JMJD6: variants seen among roughly 807,000 people sequenced by gnomAD.
JMJD6 encodes the protein bifunctional arginine demethylase and lysyl-hydroxylase JMJD6.
Under a neutral mutation model 45.8 loss-of-function variants are expected in JMJD6, and 17 were observed. That is an observed-to-expected ratio of 0.37 (90% CI 0.25 to 0.56). The LOEUF is 0.56. JMJD6 is among the 20% of genes least tolerant of loss of function. The probability of loss-of-function intolerance (pLI) is 0.79; values close to 1 mark genes in which losing one functional copy is unlikely to be tolerated. For synonymous variants in JMJD6, 221 were observed against 196.3 expected (o/e 1.13, Z -1.05); for missense variants, 470 against 517.5 (o/e 0.91, Z 0.89).
chr17:76,722,025 A>G (rs527266881), intron 3 of JMJD6, 92 bp from the exon 4 acceptor site: 15 of 1,362,758 alleles, frequency 1.1e-5, no homozygotes, highest in Admixed American at 6.2e-5. Flanking sequence ...ACTCCTACCC[A>G]TAAGGGAGAG....
chr17:76,719,920 G>C (rs547211996), intron 5 of JMJD6, among the ~76,000 whole-genome samples: 1 of 152,122 alleles, frequency 6.6e-6, no homozygotes, highest in South Asian at 2.1e-4. Flanking sequence ...TCAGGAGTTC[G>C]AGACCAGCCT....
In JMJD6 at chr17:76,726,415, T is replaced by A; in HGVS notation, c.61A>T (p.Lys21Ter). ...EAKRSARPELKDSLDWTRHNY... is the reference protein window; with the variant it reads ...EAKRSARPEL ...TGCCGGGTCCAATCCAGCGAGTCCT[T>A]GAGCTCCGGCCGCGCACTCCGCTTG... Residue 21 changes from lysine (K) to a stop codon, truncating the protein, a stop_gained, in exon 1 of 6, where the codon AAG (lysine) becomes TAG (stop). Transcript: ENST00000397625. LOFTEE classifies it high-confidence loss of function. 6.2e-7 allele frequency: 1 copy of A among 1,604,962 alleles called. No homozygotes were observed. The highest frequency in any genetic ancestry group is 8.5e-7 in the Non-Finnish European group (1 of 1,176,532).
exon 7 of JMJD6, chr17:76,712,998 ACGAG>A (rs2076740619): frequency 1.3e-5 from 2 of 152,382 alleles, no homozygotes; most frequent in African/African-American, 4.8e-5. Context: ...TCCAGGAGGC[ACGAG>A]TGTGCAGAAG....
intron 4 of JMJD6, 179 bp from the exon 5 acceptor site, chr17:76,720,677 A>G (rs12943725): frequency 0.83 from 473,233 of 571,626 alleles, 201,130 homozygotes; most frequent in Non-Finnish European, 0.88. Flanking sequence ...GAGAAACCCA[A>G]TACGGTGCCC....
chr17:76,722,190 G>C (rs755470430), intron 3 of JMJD6, among the ~76,000 whole-genome samples: 3 of 152,198 alleles, frequency 2.0e-5, no homozygotes, highest in Admixed American at 1.3e-4. Context: ...TTGAGCAGTT[G>C]TGACAGTCTG....
intron 5 of JMJD6, among the ~76,000 whole-genome samples, chr17:76,719,893 G>A (rs1233200643): frequency 2.0e-5 from 3 of 152,108 alleles, no homozygotes; most frequent in African/African-American, 7.2e-5. Context: ...AGGCTGAGGC[G>A]GGTGGATCAC....
intron 5 of JMJD6, among the ~76,000 whole-genome samples, chr17:76,720,012 G>A (rs1598375635): frequency 6.6e-6 from 1 of 152,128 alleles, no homozygotes; most frequent in Non-Finnish European, 1.5e-5. Flanking sequence ...GGGTGTGGTG[G>A]CATGCGCCTG....
intron 4 of JMJD6, 175 bp from the exon 5 acceptor site, chr17:76,720,673 C>T: frequency 1.7e-6 from 1 of 584,488 alleles, no homozygotes; most frequent in Non-Finnish European, 3.0e-6. Context: ...ACAAGAGAAA[C>T]CCAATACGGT....
At chr17:76,722,877 A>AC (rs2076843933) in intron 3 of JMJD6, among the ~76,000 whole-genome samples, 1 of 149,414 alleles carries the variant, frequency 6.7e-6, no homozygotes, top group Non-Finnish European at 1.5e-5. Flanking sequence ...AAAGAATTAA[A>AC]CCCCAATTTA....
chr17:76,722,068 T>A, intron 3 of JMJD6, 135 bp from the exon 4 acceptor site: 1 of 929,666 alleles, frequency 1.1e-6, no homozygotes, highest in Non-Finnish European at 1.6e-6. Flanking sequence ...TAGTTCCTTC[T>A]GATCCAGGGA....
Position 76,718,454 on chromosome 17 carries a change from A to G in JMJD6, c.*275T>C. On this transcript the variant is annotated 3_prime_UTR_variant, in exon 6 of 6. Transcript: ENST00000397625. ...TCAAAGGAAAACATTTCCAAGATAG[A>G]AAATGGATTCAATTTTTATTAAATA... is the stretch of plus-strand genomic sequence containing the variant. 1 of 1,320,948 alleles carries G rather than the reference A, an allele frequency of 7.6e-7. No homozygotes were observed. The highest frequency in any genetic ancestry group is 9.6e-7 in the Non-Finnish European group (1 of 1,039,912). 81.8% of individuals were successfully genotyped at this position (1,320,948 alleles called of 1,614,324 possible).
At chr17:76,721,994 C>A in intron 3 of JMJD6, 61 bp from the exon 4 acceptor site, 1 of 1,566,684 alleles carries the variant, frequency 6.4e-7, no homozygotes, top group Non-Finnish European at 8.7e-7. Context: ...TACTGTATAA[C>A]ACACACACCA....
At chr17:76,719,616 G>A (rs898710682) in intron 5 of JMJD6, among the ~76,000 whole-genome samples, 3 of 152,208 alleles carry the variant, frequency 2.0e-5, no homozygotes, top group Non-Finnish European at 4.4e-5. Flanking sequence ...TGTTAAAGGT[G>A]CAGGGCCCTC....
At position 76,725,743 on chromosome 17, in the gene JMJD6, G is replaced by A. The variant is rs757992820; in HGVS notation, c.242C>T (p.Ala81Val). 1 of 1,614,008 alleles carries A rather than the reference G, an allele frequency of 6.2e-7. No homozygotes were observed. The highest frequency in any genetic ancestry group is 8.5e-7 in the Non-Finnish European group (1 of 1,180,028). Residue 81 changes from alanine (A) to valine (V), a missense_variant, in exon 2 of 6, where the codon GCG (alanine) becomes GTG (valine). Transcript: ENST00000397625. ...VLLNAQEGWS[A>V]QEKWTLERLK... ...GCGCTCCAGAGTCCATTTCTCCTGC[G>A]CAGACCAGCCCTCTTGCGCATTCAA...
chr17:76,722,072 C>T (rs1015205480), intron 3 of JMJD6, 139 bp from the exon 4 acceptor site: 2 of 895,180 alleles, frequency 2.2e-6, no homozygotes, highest in Admixed American at 2.9e-5. Context: ...TCCTTCTGAT[C>T]CAGGGATTGC....
chr17:76,722,433 T>C (rs913291464), intron 3 of JMJD6, among the ~76,000 whole-genome samples: 1 of 152,190 alleles, frequency 6.6e-6, no homozygotes, highest in Non-Finnish European at 1.5e-5. Flanking sequence ...AAACCCAATT[T>C]AGGCTGCGCT....
rs2076791841 is a variant in JMJD6 at position 76,718,986 on chromosome 17, T to C, written c.1081-126A>G. 5 of 881,752 alleles carry C rather than the reference T, an allele frequency of 5.7e-6. No individual in the cohort carries two copies. The Admixed American group carries it at 8.3e-5, about 15-fold the overall frequency. 54.6% of individuals were successfully genotyped at this position (881,752 alleles called of 1,614,324 possible). ...CTTTCTCCCAAATGCAAAGCAGTCA[T>C]TATGACAGCTCCACAATGTAGCCTT... On this transcript the variant is annotated intron_variant, in intron 5 of 5. Transcript: ENST00000397625.
rs941687164 is a variant in JMJD6, at chr17:76,726,580, C to T, written c.-105G>A. The T allele has an allele frequency of 1.4e-6, 2 of 1,426,782 alleles. No homozygotes were observed. The highest frequency in any genetic ancestry group is 1.9e-6 in the Non-Finnish European group (2 of 1,077,572). The allele number at this position is 1,426,782 out of a possible 1,614,324, so 88.4% of individuals were successfully genotyped here. ...GGCGGCGGCGACGGCAGTACCCAAA[C>T]GCCCTTCGCTCAGTCCCGGCGCCTT... On this transcript the variant is annotated 5_prime_UTR_variant, in exon 1 of 6. Coordinates refer to ENST00000397625, the MANE Select transcript of JMJD6 (RefSeq NM_015167.3).
chr17:76,725,531 C>G lies in JMJD6; in HGVS notation c.454G>C (p.Val152Leu). The change falls in exon 2 of 6, where the codon GTG (valine) becomes CTG (leucine). Residue 152 changes from valine (V) to leucine (L), a missense_variant. This residue lies in a region of JMJD6 where 346 missense variants were observed against 339.5 expected (regional missense o/e 1.02). Coordinates refer to ENST00000397625, the MANE Select transcript of JMJD6 (RefSeq NM_015167.3). ...KRRKLLEDYK[V>L]PKFFTDDLFQ... ...AGGTCATCAGTGAAAAACTTTGGCACCTTGTAGTCTTCCAAAAGTTTCCTT... is the reference window on the plus strand; with the variant it reads ...AGGTCATCAGTGAAAAACTTTGGCAGCTTGTAGTCTTCCAAAAGTTTCCTT... 6.2e-7 allele frequency: 1 copy of G among 1,614,068 alleles called. No homozygotes were observed. Among genetic ancestry groups the G allele is most frequent in the South Asian group, 1.1e-5 (1 of 91,078 alleles).
Sources: allele counts gnomAD v4.1 joint callset (sites outside exome capture counted in the v4.1 genomes callset), GRCh38; gene constraint gnomAD v4.1.1; regional missense constraint gnomAD v4.1.1; transcripts MANE v1.5; gene names NCBI Gene and HGNC (gene_info 2026-07-23, HGNC 2026-07-21).